CLHC1: variants seen among roughly 807,000 people sequenced by gnomAD.
CLHC1 encodes clathrin heavy chain linker domain-containing protein 1.
A neutral mutation model predicts 69.5 loss-of-function variants in CLHC1; 72 were observed. The ratio of observed to expected loss-of-function variants is 1.04; its 90% CI spans 0.86 to 1.26. The LOEUF (loss-of-function observed/expected upper bound fraction) is 1.26. Ranked by LOEUF, CLHC1 falls within the 50% of genes most tolerant of loss-of-function variation. The pLI is 0.00. For missense variants in CLHC1, 790 were observed against 679.3 expected (o/e 1.16, Z -1.81); for synonymous variants, 223 against 224.3 (o/e 0.99, Z 0.05).
intron 4 of CLHC1, among the ~76,000 whole-genome samples, chr2:55,215,622 T>C (rs996130816): frequency 2.0e-5 from 3 of 152,188 alleles, no homozygotes; most frequent in Non-Finnish European, 4.4e-5. Context: ...GTTCACCCTA[T>C]GATGATAGCC....
At chr2:55,203,105 C>T (rs1227344684) in intron 9 of CLHC1, among the ~76,000 whole-genome samples, 3 of 152,010 alleles carry the variant, frequency 2.0e-5, no homozygotes, top group Admixed American at 2.0e-4. Context: ...TTAACCAAAG[C>T]ACTGAAACAG....
intron 12 of CLHC1, among the ~76,000 whole-genome samples, chr2:55,176,326 C>T (rs1282447658): frequency 5.3e-5 from 8 of 152,186 alleles, no homozygotes; most frequent in Non-Finnish European, 7.3e-5. Flanking sequence ...AATGTGGGCT[C>T]ATCCTTATTC....
At chr2:55,223,615 T>A (rs1674388203) in intron 2 of CLHC1, among the ~76,000 whole-genome samples, 1 of 150,674 alleles carries the variant, frequency 6.6e-6, no homozygotes, top group Non-Finnish European at 1.5e-5. Flanking sequence ...TCCCCCGACC[T>A]CAGACGGCTC....
At chr2:55,178,340 C>G (rs1265046023) in intron 11 of CLHC1, among the ~76,000 whole-genome samples, 3 of 152,200 alleles carry the variant, frequency 2.0e-5, no homozygotes, top group Non-Finnish European at 4.4e-5. Flanking sequence ...AAGCCAGTAG[C>G]TATTTCAAGT....
At chr2:55,196,455 G>A (rs1235204910) in intron 9 of CLHC1, among the ~76,000 whole-genome samples, 1 of 152,100 alleles carries the variant, frequency 6.6e-6, no homozygotes, top group Non-Finnish European at 1.5e-5. Context: ...GAGAGGAGAT[G>A]GAAGAGTAAA....
chr2:55,196,340 G>A (rs1357131920), intron 9 of CLHC1, among the ~76,000 whole-genome samples: 1 of 152,062 alleles, frequency 6.6e-6, no homozygotes, highest in Non-Finnish European at 1.5e-5. Context: ...ATATTACCTA[G>A]TAAGAAATCA....
intron 11 of CLHC1, among the ~76,000 whole-genome samples, chr2:55,178,613 C>T (rs1445925253): frequency 1.3e-5 from 2 of 152,082 alleles, no homozygotes; most frequent in Non-Finnish European, 2.9e-5. Flanking sequence ...CTCAGCCTTC[C>T]CAGTAGCTGA....
chr2:55,223,812 T>C (rs1351734311), intron 2 of CLHC1, among the ~76,000 whole-genome samples: 1 of 151,906 alleles, frequency 6.6e-6, no homozygotes, highest in Non-Finnish European at 1.5e-5. Context: ...TTTTTTTTTT[T>C]TGAGACGGAG....
chr2:55,229,200 A>G (rs1042191074), intron 1 of CLHC1, among the ~76,000 whole-genome samples: 2 of 151,026 alleles, frequency 1.3e-5, no homozygotes. Flanking sequence ...ATATAGAAAT[A>G]TAGTATGACA....
At chr2:55,207,115 A>G (rs1672529213) in intron 8 of CLHC1, among the ~76,000 whole-genome samples, 1 of 143,588 alleles carries the variant, frequency 7.0e-6, no homozygotes, top group Non-Finnish European at 1.6e-5. Context: ...ACTCCGTCTG[A>G]AAAAAAAAAA....
intron 5 of CLHC1, 100 bp from the exon 6 acceptor site, chr2:55,209,931 A>T (rs1260630659): frequency 1.4e-6 from 1 of 719,964 alleles, no homozygotes. Context: ...GTTAAGAAAC[A>T]ATTTAGAAAT....
chr2:55,196,521 A>G (rs1330221968), intron 9 of CLHC1, among the ~76,000 whole-genome samples: 2 of 152,208 alleles, frequency 1.3e-5, no homozygotes, highest in African/African-American at 4.8e-5. Flanking sequence ...ATAGGAAACC[A>G]GGCAGAGTCA....
At chr2:55,209,902 TAGAA>T (rs1473962125) in intron 5 of CLHC1, 71 bp from the exon 6 acceptor site, 4 of 947,008 alleles carry the variant, frequency 4.2e-6, no homozygotes, top group Middle Eastern at 4.3e-4. Flanking sequence ...GAGCAAGTCT[TAGAA>T]AGACAGTTCA....
chr2:55,219,057 G>A (rs1465214592), intron 3 of CLHC1, among the ~76,000 whole-genome samples: 1 of 152,262 alleles, frequency 6.6e-6, no homozygotes, highest in East Asian at 1.9e-4. Flanking sequence ...GGTGATACTT[G>A]TGGTCTTTTA....
At chr2:55,211,851 C>T (rs1205114145) in intron 5 of CLHC1, among the ~76,000 whole-genome samples, 1 of 152,166 alleles carries the variant, frequency 6.6e-6, no homozygotes, top group Non-Finnish European at 1.5e-5. Context: ...AATGTGGTAA[C>T]AGTATTATGC....
chr2:55,192,388 G>A (rs767919334), intron 9 of CLHC1, among the ~76,000 whole-genome samples: 13 of 152,058 alleles, frequency 8.5e-5, no homozygotes, highest in Non-Finnish European at 1.6e-4. Context: ...CTAAAGTGCT[G>A]GGATTACAGG....
Position 55,175,637 on chromosome 2 carries a change from C to G in CLHC1, c.*153G>C, listed in dbSNP as rs1049589451. ...AGCAATAGTATAAATATTTCAAAGA[C>G]AAATCTAAATGTCATCATAACAAAA... On this transcript the variant is annotated 3_prime_UTR_variant, in exon 13 of 13. Transcript: ENST00000401408. 1.7e-6 allele frequency: 1 copy of G among 571,642 alleles called. No individual in the cohort carries two copies. Among genetic ancestry groups the G allele is most frequent in the Admixed American group, 3.1e-5 (1 of 31,974 alleles). 35.4% of individuals were successfully genotyped at this position (571,642 alleles called of 1,614,324 possible).
At position 55,198,579 on chromosome 2, in the gene CLHC1, C is replaced by T. The variant is rs551803354; in HGVS notation, c.1006+7691G>A. On this transcript the variant is annotated intron_variant, in intron 9 of 12. Coordinates refer to ENST00000401408, the MANE Select transcript of CLHC1 (RefSeq NM_152385.4). ...GAGCCTGGGTGACAGAGCATGACAC[C>T]GTCTCAAAAAATCCAAAACAAAAAA... Among the ~76,000 whole-genome samples the T allele has an allele frequency of 1.2e-4, 18 of 152,082 alleles. No homozygotes were observed. The South Asian group carries it at 1.2e-3, about 11-fold the overall frequency.
chr2:55,199,039 A>G (rs1321162864), intron 9 of CLHC1, among the ~76,000 whole-genome samples: 1 of 152,010 alleles, frequency 6.6e-6, no homozygotes, highest in Non-Finnish European at 1.5e-5. Flanking sequence ...GCTCATGCCT[A>G]TAATCCCAGC....
Sources: allele counts gnomAD v4.1 joint callset (sites outside exome capture counted in the v4.1 genomes callset), GRCh38; gene constraint gnomAD v4.1.1; transcripts MANE v1.5; gene names NCBI Gene and HGNC (gene_info 2026-07-23, HGNC 2026-07-21).